The following HOXC13 variants were observed in gnomAD, a reference collection of about 807,000 sequenced individuals.
HOXC13 encodes homeobox C13.
In HOXC13, 10 loss-of-function variants were observed where a neutral mutation model predicts 25.9. That is an observed-to-expected ratio of 0.39 (90% CI 0.24 to 0.65). HOXC13 has a LOEUF of 0.65. Ranked by LOEUF, HOXC13 falls within the 30% of genes least tolerant of loss-of-function variation. HOXC13 has a pLI of 0.50. For missense variants in HOXC13, 439 were observed against 478.3 expected (o/e 0.92, Z 0.77); for synonymous variants, 233 against 217.1 (o/e 1.07, Z -0.64).
chr12:53,944,025 G>T (rs1427347476), intron 1 of HOXC13, among the ~76,000 whole-genome samples: 2 of 152,164 alleles, frequency 1.3e-5, no homozygotes, highest in Non-Finnish European at 2.9e-5. Flanking sequence ...AATTCTCAGA[G>T]CCTAAAGAAA....
rs1454797832 is a variant in HOXC13, at chr12:53,945,153, C to T, written c.890C>T (p.Thr297Met). The change falls in exon 2 of 2, where the codon ACG becomes ATG. Residue 297 changes from threonine to methionine, a missense_variant. Coordinates refer to ENST00000243056, the MANE Select transcript of HOXC13 (RefSeq NM_017410.3). The surrounding 1 kb of genome is among the most constrained non-coding windows in gnomAD (Gnocchi z 4.4). ...AAGCGCCGGCGCATCTCCGCCACCACGAACCTCTCTGAGCGCCAGGTAACC... is the reference window on the plus strand; with the variant it reads ...AAGCGCCGGCGCATCTCCGCCACCATGAACCTCTCTGAGCGCCAGGTAACC... ...KEKRRRISATTNLSERQVTIW... is the reference protein window; with the variant it reads ...KEKRRRISATMNLSERQVTIW... 1.9e-6 allele frequency: 3 copies of T among 1,614,184 alleles called. No individual in the cohort carries two copies. The highest frequency in any genetic ancestry group is 1.3e-5 in the African/African-American group (1 of 75,034).
chr12:53,939,737 C>G lies in HOXC13; in HGVS notation c.736+95C>G. On this transcript the variant is annotated intron_variant, in intron 1 of 1. Coordinates refer to ENST00000243056, the MANE Select transcript of HOXC13 (RefSeq NM_017410.3). This position sits in a 1 kb window ranked among gnomAD's most constrained non-coding sequence, Gnocchi z 6.7. ...GCCCCAACCACCCCCGCCGTCTGGC[C>G]CCGGCGCGCCCGCTCGGCTGGGCTG... 1 of 1,239,960 alleles carries G rather than the reference C, an allele frequency of 8.1e-7. No homozygotes were observed. The highest frequency in any genetic ancestry group is 1.0e-6 in the Non-Finnish European group (1 of 989,614). The allele number at this position is 1,239,960 out of a possible 1,614,324, so 76.8% of individuals were successfully genotyped here.
At position 53,939,517 on chromosome 12, in the gene HOXC13, G is replaced by C. The variant is rs1201336068; in HGVS notation, c.611G>C (p.Arg204Pro). 6.2e-7 allele frequency: 1 copy of C among 1,611,696 alleles called. No homozygotes were observed. Reference sequence around the variant, plus strand: ...GGGATCAGCGGGCACCCGGAGCCGCGTCACGACGCCCTCATCCCCGTCGAA... The same window carrying C: ...GGGATCAGCGGGCACCCGGAGCCGCCTCACGACGCCCTCATCCCCGTCGAA... The part of the protein sequence containing the change: ...VPGISGHPEP[R>P]HDALIPVEGY... The change falls in exon 1 of 2, where the codon CGT (arginine) becomes CCT (proline). Residue 204 changes from arginine (R) to proline (P), a missense_variant. Physicochemically the swap from Arg to Pro is moderately radical, Grantham distance 103. Transcript: ENST00000243056. This position sits in a 1 kb window ranked among gnomAD's most constrained non-coding sequence, Gnocchi z 6.7.
In HOXC13 at chr12:53,939,341, C is replaced by A; in HGVS notation, c.435C>A (p.Cys145Ter). ...SHNVNLQQKP[C>*]AYHPGDKYPE... is the part of the protein sequence containing the mutation. ...ACGTGAACCTGCAGCAGAAGCCTTG[C>A]GCCTACCACCCGGGCGATAAATACC... Residue 145 changes from cysteine to a stop codon, truncating the protein, a stop_gained, in exon 1 of 2, where the codon TGC becomes TGA. Coordinates refer to ENST00000243056, the MANE Select transcript of HOXC13 (RefSeq NM_017410.3). LOFTEE classifies it high-confidence loss of function. This position sits in a 1 kb window ranked among gnomAD's most constrained non-coding sequence, Gnocchi z 6.7. 1 of 1,601,582 alleles carries A rather than the reference C, an allele frequency of 6.2e-7. No individual in the cohort carries two copies.
rs1938671664 is a variant in HOXC13 at position 53,945,097 on chromosome 12, A to G, written c.834A>G (p.Glu278=). 6.2e-7 allele frequency: 1 copy of G among 1,614,174 alleles called. No individual in the cohort carries two copies. The highest frequency in any genetic ancestry group is 8.5e-7 in the Non-Finnish European group (1 of 1,180,036). Residue 278 remains glutamate, a synonymous_variant, in exon 2 of 2, where the codon GAA becomes GAG. Coordinates refer to ENST00000243056, the MANE Select transcript of HOXC13 (RefSeq NM_017410.3). This position sits in a 1 kb window ranked among gnomAD's most constrained non-coding sequence, Gnocchi z 4.4. ...TGCAGCTGAAGGAGCTAGAGAAGGA[A>G]TACGCGGCTAGCAAGTTCATCACCA... ...TKVQLKELEK[E]YAASKFITKE...
chr12:53,939,724 C>A lies in HOXC13; in HGVS notation c.736+82C>A. 7.9e-7 allele frequency: 1 copy of A among 1,259,824 alleles called. No individual in the cohort carries two copies. The highest frequency in any genetic ancestry group is 3.6e-5 in the South Asian group (1 of 27,852). 78.0% of individuals were successfully genotyped at this position (1,259,824 alleles called of 1,614,324 possible). A position where few individuals can be genotyped will look rare whatever the true frequency, so the allele number is the denominator to read the frequency against. On this transcript the variant is annotated intron_variant, in intron 1 of 1. Transcript: ENST00000243056. This position sits in a 1 kb window ranked among gnomAD's most constrained non-coding sequence, Gnocchi z 6.7. ...CCCGGGGCTCCGCGCCCCAACCACC[C>A]CCGCCGTCTGGCCCCGGCGCGCCCG... is the stretch of plus-strand genomic sequence containing the variant.
chr12:53,939,765 T>A lies in HOXC13; in HGVS notation c.736+123T>A. The A allele has an allele frequency of 8.4e-7, 1 of 1,190,240 alleles. No individual in the cohort carries two copies. The highest frequency in any genetic ancestry group is 1.1e-6 in the Non-Finnish European group (1 of 950,606). 73.7% of individuals were successfully genotyped at this position (1,190,240 alleles called of 1,614,324 possible). ...GGCGCGCCCGCTCGGCTGGGCTGCCTATGGAGCCGGCCGGGCGAGCTGCAC... is the reference window on the plus strand; with the variant it reads ...GGCGCGCCCGCTCGGCTGGGCTGCCAATGGAGCCGGCCGGGCGAGCTGCAC... On this transcript the variant is annotated intron_variant, in intron 1 of 1. Coordinates refer to ENST00000243056, the MANE Select transcript of HOXC13 (RefSeq NM_017410.3). This position sits in a 1 kb window ranked among gnomAD's most constrained non-coding sequence, Gnocchi z 6.7.
intron 1 of HOXC13, among the ~76,000 whole-genome samples, chr12:53,942,154 CTTTTTTTTTTTTTTTTTTTTTTTTTTT>C (rs56678098): frequency 4.3e-4 from 17 of 39,338 alleles, no homozygotes; most frequent in African/African-American, 2.0e-3. Flanking sequence ...TGAGTGTAGA[CTTTTTTTTTTTTTTTTTTTTTTTTTTT>C]TTTTTTTTTT....
In HOXC13 at chr12:53,945,792, G is replaced by T. The variant is rs1438343058; in HGVS notation, c.*536G>T. The T allele has an allele frequency of 1.7e-5, 4 of 240,478 alleles. No homozygotes were observed. The Middle Eastern group carries it at 5.2e-3, about 311-fold the overall frequency. 14.9% of individuals were successfully genotyped at this position (240,478 alleles called of 1,614,324 possible). ...ATTTTCTGTGCGTATTTTAAAAGTCGTGTTAATACTCATGATAATTATTAG... is the reference window on the plus strand; with the variant it reads ...ATTTTCTGTGCGTATTTTAAAAGTCTTGTTAATACTCATGATAATTATTAG... On this transcript the variant is annotated 3_prime_UTR_variant, in exon 2 of 2. Coordinates refer to ENST00000243056, the MANE Select transcript of HOXC13 (RefSeq NM_017410.3). The surrounding 1 kb of genome is among the most constrained non-coding windows in gnomAD (Gnocchi z 4.4).
In HOXC13 at chr12:53,938,996, CGGCGGCGGAGGAGGA is replaced by C. The variant is rs772594396; in HGVS notation, c.99_113del (p.Gly34_Gly38del). 4 of 1,500,918 alleles carry C rather than the reference CGGCGGCGGAGGAGGA, an allele frequency of 2.7e-6. No homozygotes were observed. The highest frequency in any genetic ancestry group is 1.4e-5 in the African/African-American group (1 of 69,266). The allele number at this position is 1,500,918 out of a possible 1,614,324, so 93.0% of individuals were successfully genotyped here. Reference sequence around the variant, plus strand: ...GCGCGGCGGAGAGCGGCATCGGCGGCGGCGGCGGAGGAGGAGGCGGCGGCACGGGCGGAGCGGGGG... The same window carrying C: ...GCGCGGCGGAGAGCGGCATCGGCGGCGGCGGCGGCACGGGCGGAGCGGGGG... On this transcript the variant is annotated inframe_deletion, in exon 1 of 2. Coordinates refer to ENST00000243056, the MANE Select transcript of HOXC13 (RefSeq NM_017410.3).
At chr12:53,941,465 C>G (rs567448654) in intron 1 of HOXC13, among the ~76,000 whole-genome samples, 1 of 152,158 alleles carries the variant, frequency 6.6e-6, no homozygotes, top group Non-Finnish European at 1.5e-5. Context: ...AGAGAAGGAG[C>G]TGTTCTATGT....
In HOXC13 at chr12:53,945,869, C is replaced by T; in HGVS notation, c.*613C>T. ...GATGTTTCCGTAAAAGCTGGAATTCCGTAAAAGCATTGACGCAGCCCCTAC... is the reference window on the plus strand; with the variant it reads ...GATGTTTCCGTAAAAGCTGGAATTCTGTAAAAGCATTGACGCAGCCCCTAC... On this transcript the variant is annotated 3_prime_UTR_variant, in exon 2 of 2. Coordinates refer to ENST00000243056, the MANE Select transcript of HOXC13 (RefSeq NM_017410.3). This position sits in a 1 kb window ranked among gnomAD's most constrained non-coding sequence, Gnocchi z 4.4. The T allele has an allele frequency of 4.3e-6, 1 of 233,462 alleles. No individual in the cohort carries two copies. The highest frequency in any genetic ancestry group is 5.5e-5 in the Admixed American group (1 of 18,258). 14.5% of individuals were successfully genotyped at this position (233,462 alleles called of 1,614,324 possible). A position where few individuals can be genotyped will look rare whatever the true frequency, so the allele number is the denominator to read the frequency against.
chr12:53,945,327 G>A lies in HOXC13; in HGVS notation c.*71G>A. 4.5e-6 allele frequency: 7 copies of A among 1,548,512 alleles called. No individual in the cohort carries two copies. The South Asian group carries it at 6.8e-5, about 15-fold the overall frequency. Reference sequence around the variant, plus strand: ...ACCATAACCGAACCCACGGAAAGACGCTGCGCGGGTGCAGAAGAGTATTTA... The same window carrying A: ...ACCATAACCGAACCCACGGAAAGACACTGCGCGGGTGCAGAAGAGTATTTA... On this transcript the variant is annotated 3_prime_UTR_variant, in exon 2 of 2. Coordinates refer to ENST00000243056, the MANE Select transcript of HOXC13 (RefSeq NM_017410.3). The surrounding 1 kb of genome is among the most constrained non-coding windows in gnomAD (Gnocchi z 4.4).
In HOXC13 at chr12:53,945,303, C is replaced by T; in HGVS notation, c.*47C>T. ...CATCTATTTATGTCTCCGCTTTGTACCATAACCGAACCCACGGAAAGACGC... is the reference window on the plus strand; with the variant it reads ...CATCTATTTATGTCTCCGCTTTGTATCATAACCGAACCCACGGAAAGACGC... On this transcript the variant is annotated 3_prime_UTR_variant, in exon 2 of 2. Coordinates refer to ENST00000243056, the MANE Select transcript of HOXC13 (RefSeq NM_017410.3). The surrounding 1 kb of genome is among the most constrained non-coding windows in gnomAD (Gnocchi z 4.4). 1 of 1,598,944 alleles carries T rather than the reference C, an allele frequency of 6.3e-7. No homozygotes were observed. The highest frequency in any genetic ancestry group is 8.6e-7 in the Non-Finnish European group (1 of 1,169,196).
chr12:53,945,319 G>A lies in HOXC13; in HGVS notation c.*63G>A, dbSNP rs1938676393. 16 of 1,572,732 alleles carry A rather than the reference G, an allele frequency of 1.0e-5. No individual in the cohort carries two copies. The Admixed American group carries it at 2.4e-4, about 24-fold the overall frequency. ...CGCTTTGTACCATAACCGAACCCAC[G>A]GAAAGACGCTGCGCGGGTGCAGAAG... On this transcript the variant is annotated 3_prime_UTR_variant, in exon 2 of 2. Coordinates refer to ENST00000243056, the MANE Select transcript of HOXC13 (RefSeq NM_017410.3). The surrounding 1 kb of genome is among the most constrained non-coding windows in gnomAD (Gnocchi z 4.4).
intron 1 of HOXC13, among the ~76,000 whole-genome samples, chr12:53,944,584 G>A (rs1938661152): frequency 6.6e-6 from 1 of 152,180 alleles, no homozygotes; most frequent in Admixed American, 6.5e-5. Context: ...GGAATTTGGA[G>A]GGTCCCTTCT....
At position 53,939,217 on chromosome 12, in the gene HOXC13, A is replaced by G; in HGVS notation, c.311A>G (p.Gln104Arg). The change falls in exon 1 of 2, where the codon CAG becomes CGG. Residue 104 changes from glutamine to arginine, a missense_variant. Gln to Arg is a conservative substitution (Grantham distance 43). Transcript: ENST00000243056. This position sits in a 1 kb window ranked among gnomAD's most constrained non-coding sequence, Gnocchi z 6.7. ...ATCCCGGCCCCGGAGGCGGCGCGCC[A>G]GTGTGCCCCGCCGCCCGCACCCCCC... ...TDIPAPEAAR[Q>R]CAPPPAPPTS... 6.5e-7 allele frequency: 1 copy of G among 1,534,222 alleles called. No individual in the cohort carries two copies. The highest frequency in any genetic ancestry group is 8.7e-7 in the Non-Finnish European group (1 of 1,143,324).
chr12:53,942,765 G>A (rs924858982), intron 1 of HOXC13, among the ~76,000 whole-genome samples: 6 of 152,176 alleles, frequency 3.9e-5, no homozygotes, highest in African/African-American at 1.4e-4. Context: ...TCCCCAGGAG[G>A]CCAAACCAAC....
chr12:53,945,932 A>C lies in HOXC13; in HGVS notation c.*676A>C, dbSNP rs933093805. The stretch of plus-strand genomic sequence containing the variant: ...CCAAGAAACTGCATTTCCTGGGGCC[A>C]GGTGGGAGCTGCCTTTGCCCCACTG... On this transcript the variant is annotated 3_prime_UTR_variant, in exon 2 of 2. Coordinates refer to ENST00000243056, the MANE Select transcript of HOXC13 (RefSeq NM_017410.3). The surrounding 1 kb of genome is among the most constrained non-coding windows in gnomAD (Gnocchi z 4.4). The C allele has an allele frequency of 2.2e-5, 5 of 232,170 alleles. No homozygotes were observed. Among genetic ancestry groups the C allele is most frequent in the Non-Finnish European group, 3.4e-5 (4 of 117,610 alleles). 14.4% of individuals were successfully genotyped at this position (232,170 alleles called of 1,614,324 possible).
Sources: allele counts gnomAD v4.1 joint callset (sites outside exome capture counted in the v4.1 genomes callset), GRCh38; gene constraint gnomAD v4.1.1; non-coding constraint Gnocchi (gnomAD v3.1); transcripts MANE v1.5; gene names NCBI Gene and HGNC (gene_info 2026-07-23, HGNC 2026-07-21).